LYPD1: variants seen among roughly 807,000 people sequenced by gnomAD.
LYPD1 encodes ly6/PLAUR domain-containing protein 1.
Under a neutral mutation model 14.2 loss-of-function variants are expected in LYPD1, and 14 were observed. The ratio of observed to expected loss-of-function variants is 0.99; its 90% CI spans 0.65 to 1.54. The LOEUF is 1.54. LYPD1 is among the 40% of genes most tolerant of loss of function. The probability of loss-of-function intolerance (pLI) is 0.00; values close to 1 mark genes in which losing one functional copy is unlikely to be tolerated. For synonymous variants in LYPD1, 85 were observed against 70.6 expected (o/e 1.20, Z -1.02); for missense variants, 165 against 175.7 (o/e 0.94, Z 0.34).
Position 132,670,123 on chromosome 2 carries a change from T to C in LYPD1, c.-191A>G. ...GAGCCTGCATCGCCCGCGCTCGGGC[T>C]CCCGGCTGCGGGTCTCTGCTCCTCC... On this transcript the variant is annotated 5_prime_UTR_variant, in exon 1 of 3. Coordinates refer to ENST00000397463, the MANE Select transcript of LYPD1 (RefSeq NM_144586.7). The surrounding 1 kb of genome is among the most constrained non-coding windows in gnomAD (Gnocchi z 4.5). 1 of 1,410,526 alleles carries C rather than the reference T, an allele frequency of 7.1e-7. No homozygotes were observed. The highest frequency in any genetic ancestry group is 9.2e-7 in the Non-Finnish European group (1 of 1,091,668). The allele number at this position is 1,410,526 out of a possible 1,614,324, so 87.4% of individuals were successfully genotyped here.
chr2:132,657,800 G>A (rs1682687486), intron 2 of LYPD1, among the ~76,000 whole-genome samples: 1 of 151,978 alleles, frequency 6.6e-6, no homozygotes, highest in South Asian at 2.1e-4. Context: ...ATACATTTCA[G>A]CGTTCAATTG....
intron 2 of LYPD1, among the ~76,000 whole-genome samples, chr2:132,661,811 T>G (rs1460583905): frequency 6.6e-6 from 1 of 152,126 alleles, no homozygotes; most frequent in Admixed American, 6.5e-5. Flanking sequence ...CTGGTGGTGA[T>G]AGTTACACTT....
intron 2 of LYPD1, among the ~76,000 whole-genome samples, chr2:132,656,671 A>G (rs1353446870): frequency 6.6e-6 from 1 of 152,212 alleles, no homozygotes; most frequent in Non-Finnish European, 1.5e-5. Flanking sequence ...AAGAGAGAAG[A>G]TCAAGAAAGT....
At chr2:132,648,451 A>G (rs10178695) in intron 2 of LYPD1, among the ~76,000 whole-genome samples, 103,321 of 152,134 alleles carry the variant, frequency 0.68, 36,987 homozygotes, top group African/African-American at 0.92. Context: ...ATATGCCCAC[A>G]GAGAAATAAA....
chr2:132,660,815 T>C (rs1411758979), intron 2 of LYPD1, among the ~76,000 whole-genome samples: 1 of 152,152 alleles, frequency 6.6e-6, no homozygotes. Context: ...ATACAAAGGC[T>C]GTAATCAAAT....
chr2:132,663,570 C>T (rs932573564), intron 2 of LYPD1, among the ~76,000 whole-genome samples: 1 of 152,190 alleles, frequency 6.6e-6, no homozygotes, highest in African/African-American at 2.4e-5. Context: ...GCCGCCGTGC[C>T]CAGCTTCATT....
rs764759006 is a variant in LYPD1, at chr2:132,669,947, G to A, written c.-15C>T. ...AGGACCCACATTCTCCCGGAGTCCC[G>A]GGGCCGGGAGAGGGCAAGCGCATCA... On this transcript the variant is annotated 5_prime_UTR_variant, in exon 1 of 3. Coordinates refer to ENST00000397463, the MANE Select transcript of LYPD1 (RefSeq NM_144586.7). This position sits in a 1 kb window ranked among gnomAD's most constrained non-coding sequence, Gnocchi z 4.3. 16 of 1,611,116 alleles carry A rather than the reference G, an allele frequency of 9.9e-6. No homozygotes were observed. Among genetic ancestry groups the A allele is most frequent in the Non-Finnish European group, 1.3e-5 (15 of 1,179,130 alleles).
Position 132,645,416 on chromosome 2 carries a change from C to G in LYPD1, c.*629G>C, listed in dbSNP as rs200090353. The G allele has an allele frequency of 1.3e-5, 21 of 1,613,446 alleles. No individual in the cohort carries two copies. Among genetic ancestry groups the G allele is most frequent in the Non-Finnish European group, 1.6e-5 (19 of 1,180,032 alleles). ...GACAGCGCCCGCTTTGTGCAGCGCC[C>G]GTTGCTCTTCGCGTCCCGGCGCCAG... On this transcript the variant is annotated 3_prime_UTR_variant, in exon 3 of 3. Coordinates refer to ENST00000397463, the MANE Select transcript of LYPD1 (RefSeq NM_144586.7).
In LYPD1 at chr2:132,651,649, A is replaced by C. The variant is rs577162676; in HGVS notation, c.191-5369T>G. Among the ~76,000 whole-genome samples, 15 of 152,364 alleles carry C rather than the reference A, an allele frequency of 9.8e-5. No homozygotes were observed. In the East Asian group the frequency reaches 2.7e-3, roughly 27 times the overall value. On this transcript the variant is annotated intron_variant, in intron 2 of 2. Coordinates refer to ENST00000397463, the MANE Select transcript of LYPD1 (RefSeq NM_144586.7). The stretch of plus-strand genomic sequence containing the variant: ...TACATTTATACTATACATATTAAGC[A>C]GCAGTTAAAGTACAGAGCTCTATTC...
At chr2:132,646,936 A>G (rs912804332) in intron 2 of LYPD1, among the ~76,000 whole-genome samples, 5 of 152,266 alleles carry the variant, frequency 3.3e-5, no homozygotes, top group Middle Eastern at 3.4e-3. Context: ...CTAGCACTCA[A>G]TGACACACAC....
chr2:132,660,136 G>T (rs1009877964), intron 2 of LYPD1, among the ~76,000 whole-genome samples: 2 of 152,216 alleles, frequency 1.3e-5, no homozygotes, highest in African/African-American at 4.8e-5. Context: ...CCAAGAAATA[G>T]AAAAACATAA....
chr2:132,647,852 A>C lies in LYPD1; in HGVS notation c.191-1572T>G, dbSNP rs148122460. 5.0e-3 allele frequency among the ~76,000 whole-genome samples: 758 copies of C among 152,258 alleles called. 4 individuals carry two copies. Among genetic ancestry groups the C allele is most frequent in the African/African-American group, 0.017 (703 of 41,532 alleles). On this transcript the variant is annotated intron_variant, in intron 2 of 2. Coordinates refer to ENST00000397463, the MANE Select transcript of LYPD1 (RefSeq NM_144586.7). ...TTTGGCTCCGTCCTCGAGAATTGCC[A>C]CTTTGGGTGCTATAGAAACATTAAG...
intron 2 of LYPD1, among the ~76,000 whole-genome samples, chr2:132,661,521 C>T (rs1682937569): frequency 6.6e-6 from 1 of 152,216 alleles, no homozygotes; most frequent in East Asian, 1.9e-4. Flanking sequence ...TAGATATCTG[C>T]CCCAGCAAGA....
At position 132,645,313 on chromosome 2, in the gene LYPD1, C is replaced by T. The variant is rs775530665; in HGVS notation, c.*732G>A. The T allele has an allele frequency of 6.2e-6, 10 of 1,614,096 alleles. No homozygotes were observed. Among genetic ancestry groups the T allele is most frequent in the Admixed American group, 5.0e-5 (3 of 60,000 alleles). ...GCAGCAGTTTCGGCGGGTGTTCGTG[C>T]AGGTGCTGTGCTGCCGCCTGTCGCT... On this transcript the variant is annotated 3_prime_UTR_variant, in exon 3 of 3. Transcript: ENST00000397463.
Position 132,644,936 on chromosome 2 carries a change from G to T in LYPD1, c.*1109C>A. Reference sequence around the variant, plus strand: ...AACAGTGTTAAATTCTCTCTTGCTTGTGGCAAAAGAAGCTGTCAAGTCCAA... The same window carrying T: ...AACAGTGTTAAATTCTCTCTTGCTTTTGGCAAAAGAAGCTGTCAAGTCCAA... On this transcript the variant is annotated 3_prime_UTR_variant, in exon 3 of 3. Coordinates refer to ENST00000397463, the MANE Select transcript of LYPD1 (RefSeq NM_144586.7). 1.4e-6 allele frequency: 1 copy of T among 721,172 alleles called. No individual in the cohort carries two copies. The highest frequency in any genetic ancestry group is 2.7e-5 in the East Asian group (1 of 36,526). The allele number at this position is 721,172 out of a possible 1,614,324, so 44.7% of individuals were successfully genotyped here.
chr2:132,663,330 G>A (rs2082180), intron 2 of LYPD1, among the ~76,000 whole-genome samples: 2 of 151,670 alleles, frequency 1.3e-5, no homozygotes, highest in African/African-American at 4.8e-5. Context: ...CTGGAGTGCA[G>A]TGGAGTAATC....
At chr2:132,661,383 A>G (rs576693461) in intron 2 of LYPD1, among the ~76,000 whole-genome samples, 23 of 152,314 alleles carry the variant, frequency 1.5e-4, no homozygotes, top group Non-Finnish European at 2.8e-4. Context: ...ACATGTTGTT[A>G]CTTTAATTCA....
chr2:132,660,063 C>T (rs908864124), intron 2 of LYPD1, among the ~76,000 whole-genome samples: 4 of 152,214 alleles, frequency 2.6e-5, no homozygotes, highest in African/African-American at 7.2e-5. Flanking sequence ...CTGAGAGCCG[C>T]GTGCCTGGCG....
chr2:132,652,090 T>G (rs550410562), intron 2 of LYPD1, among the ~76,000 whole-genome samples: 1 of 152,188 alleles, frequency 6.6e-6, no homozygotes, highest in African/African-American at 2.4e-5. Flanking sequence ...GAGAAGGTCA[T>G]GACCAAGAAC....
Sources: allele counts gnomAD v4.1 joint callset (sites outside exome capture counted in the v4.1 genomes callset), GRCh38; gene constraint gnomAD v4.1.1; non-coding constraint Gnocchi (gnomAD v3.1); transcripts MANE v1.5; gene names NCBI Gene and HGNC (gene_info 2026-07-23, HGNC 2026-07-21).